LYSMD1: variants seen among roughly 807,000 people sequenced by gnomAD.
LYSMD1 encodes LysM domain containing 1.
Under a neutral mutation model 19.3 loss-of-function variants are expected in LYSMD1, and 9 were observed. The ratio of observed to expected loss-of-function variants is 0.47; its 90% CI spans 0.28 to 0.81. The LOEUF (loss-of-function observed/expected upper bound fraction) is 0.81. Ranked by LOEUF, LYSMD1 falls within the 40% of genes least tolerant of loss-of-function variation. The pLI is 0.11. For missense variants in LYSMD1, 262 were observed against 279.8 expected (o/e 0.94, Z 0.45); for synonymous variants, 111 against 111.7 (o/e 0.99, Z 0.04).
intron 2 of LYSMD1, 86 bp from the exon 3 acceptor site, chr1:151,161,106 C>T: frequency 2.8e-6 from 4 of 1,452,332 alleles, no homozygotes; most frequent in South Asian, 2.4e-5. Flanking sequence ...GGAAAGCTAT[C>T]TTCTAATACA....
the LYSMD1 span, among the ~76,000 whole-genome samples, chr1:151,153,863 G>T: frequency 9.8e-4 from 149 of 151,368 alleles, 4 homozygotes; most frequent in African/African-American, 3.4e-3. Context: ...CTGAGGCAGA[G>T]AATCAGTTGA....
chr1:151,154,994 A>G (rs866755677), downstream of LYSMD1, among the ~76,000 whole-genome samples: 1 of 151,954 alleles, frequency 6.6e-6, no homozygotes, highest in Non-Finnish European at 1.5e-5. Flanking sequence ...TTCTGACCTC[A>G]GGTGATCCAC....
intron 1 of LYSMD1, 86 bp downstream of exon 1, chr1:151,164,993 G>A: frequency 8.7e-7 from 1 of 1,150,946 alleles, no homozygotes; most frequent in Non-Finnish European, 1.3e-6. Context: ...ACATTTCAGG[G>A]GAGGTTACCT....
intron 2 of LYSMD1, 78 bp from the exon 3 acceptor site, chr1:151,161,098 A>C: frequency 7.3e-6 from 11 of 1,516,580 alleles, no homozygotes; most frequent in Middle Eastern, 2.0e-4. Flanking sequence ...AGGTACATGG[A>C]AAGCTATCTT....
chr1:151,155,878 G>A (rs1683205426), downstream of LYSMD1, among the ~76,000 whole-genome samples: 1 of 151,936 alleles, frequency 6.6e-6, no homozygotes, highest in Admixed American at 6.6e-5. Context: ...AGGCCAAGGT[G>A]GATCACCTGA....
intron 2 of LYSMD1, 123 bp downstream of exon 2, chr1:151,161,613 G>C (rs587771499): frequency 1.6e-6 from 2 of 1,267,956 alleles, no homozygotes; most frequent in Non-Finnish European, 2.2e-6. Context: ...GGGGCCACAT[G>C]GGGGAAAGGT....
the LYSMD1 span, among the ~76,000 whole-genome samples, chr1:151,152,430 G>C: frequency 6.7e-6 from 1 of 148,416 alleles, no homozygotes; most frequent in African/African-American, 2.5e-5. Context: ...GGACAGGCAC[G>C]GTGGTTCACA....
At chr1:151,161,090 G>C in intron 2 of LYSMD1, 70 bp from the exon 3 acceptor site, 8 of 1,543,380 alleles carry the variant, frequency 5.2e-6, no homozygotes, top group Non-Finnish European at 7.1e-6. Flanking sequence ...CAAGTGAGAG[G>C]TACATGGAAA....
At position 151,161,040 on chromosome 1, in the gene LYSMD1, G is replaced by A; in HGVS notation, c.546-20C>T. On this transcript the variant is annotated intron_variant, in intron 2 of 2. Coordinates refer to ENST00000368908, the MANE Select transcript of LYSMD1 (RefSeq NM_212551.5). The stretch of plus-strand genomic sequence containing the variant: ...GGTACCCTGCAATTGAGGAAAGGGG[G>A]GAAAGAGTGACAGATCAAGGGAAGA... 2 of 1,612,528 alleles carry A rather than the reference G, an allele frequency of 1.2e-6. No homozygotes were observed. Among genetic ancestry groups the A allele is most frequent in the Non-Finnish European group, 1.7e-6 (2 of 1,178,856 alleles).
chr1:151,162,179 C>T, intron 1 of LYSMD1, 79 bp from the exon 2 acceptor site: 1 of 1,350,264 alleles, frequency 7.4e-7, no homozygotes, highest in Non-Finnish European at 1.0e-6. Context: ...AGTGACTGTA[C>T]AGAGTCTTCT....
At chr1:151,157,177 C>T (rs903864063), downstream of LYSMD1, among the ~76,000 whole-genome samples, 3 of 152,126 alleles carry the variant, frequency 2.0e-5, no homozygotes, top group Non-Finnish European at 4.4e-5. Flanking sequence ...GGAAGGCTCA[C>T]ATGGAGCAAT....
At chr1:151,159,247 C>T, downstream of LYSMD1, 5 of 1,611,080 alleles carry the variant, frequency 3.1e-6, no homozygotes, top group Non-Finnish European at 4.2e-6. Flanking sequence ...CGAAGGGAAG[C>T]TCTGAGAGCC....
the LYSMD1 span, among the ~76,000 whole-genome samples, chr1:151,151,201 G>GT: frequency 2.8e-3 from 428 of 150,606 alleles, 2 homozygotes; most frequent in Admixed American, 6.8e-3. Context: ...GTTTTGTTTT[G>GT]TTTTGTTTTG....
In LYSMD1 at chr1:151,160,832, C is replaced by G. The variant is rs763732566; in HGVS notation, c.*50G>C. 6.3e-7 allele frequency: 1 copy of G among 1,588,668 alleles called. No individual in the cohort carries two copies. The highest frequency in any genetic ancestry group is 1.1e-5 in the South Asian group (1 of 89,880). On this transcript the variant is annotated 3_prime_UTR_variant, in exon 3 of 3. Coordinates refer to ENST00000368908, the MANE Select transcript of LYSMD1 (RefSeq NM_212551.5). ...AGCCTCACCTCAGGCTCCTCTCCCCCTGAAGTTTCTCTTTCAACATCTTGC... is the reference window on the plus strand; with the variant it reads ...AGCCTCACCTCAGGCTCCTCTCCCCGTGAAGTTTCTCTTTCAACATCTTGC...
the LYSMD1 span, among the ~76,000 whole-genome samples, chr1:151,148,618 C>T: frequency 1.3e-5 from 2 of 152,128 alleles, no homozygotes; most frequent in African/African-American, 4.8e-5. Context: ...TAAATATTCT[C>T]CGAAGACTGC....
chr1:151,153,025 T>A, the LYSMD1 span, among the ~76,000 whole-genome samples: 6 of 152,240 alleles, frequency 3.9e-5, no homozygotes, highest in South Asian at 6.2e-4. Context: ...TTGAAAGTCA[T>A]TGAGACTTAG....
chr1:151,151,223 C>T, the LYSMD1 span, among the ~76,000 whole-genome samples: 2 of 151,860 alleles, frequency 1.3e-5, no homozygotes, highest in East Asian at 3.9e-4. Context: ...GATGAGTCTC[C>T]CTCTGTCACC....
At chr1:151,149,476 G>A in the LYSMD1 span, among the ~76,000 whole-genome samples, 9 of 152,278 alleles carry the variant, frequency 5.9e-5, no homozygotes, top group Admixed American at 2.6e-4. Flanking sequence ...CTGGCCGGGC[G>A]CAGTGACTCA....
At chr1:151,152,375 C>T in the LYSMD1 span, among the ~76,000 whole-genome samples, 2 of 150,150 alleles carry the variant, frequency 1.3e-5, no homozygotes, top group East Asian at 2.0e-4. Context: ...CCAGCCTGGG[C>T]GACAGAGTGA....
Sources: allele counts gnomAD v4.1 joint callset (sites outside exome capture counted in the v4.1 genomes callset), GRCh38; gene constraint gnomAD v4.1.1; transcripts MANE v1.5; gene names NCBI Gene and HGNC (gene_info 2026-07-23, HGNC 2026-07-21).